Variants in CYRIB observed in about 807,000 individuals in gnomAD.
CYRIB encodes the protein CYFIP related Rac1 interactor B.
CYRIB carries 8 observed loss-of-function variants against 44.2 expected under a neutral mutation model. The ratio of observed to expected loss-of-function variants is 0.18; its 90% CI spans 0.11 to 0.33. The LOEUF is 0.33. Ranked by LOEUF, CYRIB falls within the 10% of genes least tolerant of loss-of-function variation. CYRIB has a pLI of 1.00. For synonymous variants in CYRIB, 131 were observed against 127.2 expected (o/e 1.03, Z -0.20); for missense variants, 185 against 382.8 (o/e 0.48, Z 4.31).
In CYRIB at chr8:129,883,673, A is replaced by G. The variant is rs182830652; in HGVS notation, c.-10-4202T>C. Among the ~76,000 whole-genome samples the G allele has an allele frequency of 4.6e-4, 70 of 152,348 alleles. No individual in the cohort carries two copies. The South Asian group carries it at 0.01, about 22-fold the overall frequency. On this transcript the variant is annotated intron_variant, in intron 2 of 11. Coordinates refer to ENST00000519824, the Ensembl canonical transcript of CYRIB. ...TGTGACTGTTTTCAACTAATATAAC[A>G]GTGGTTAATCATCAGCTTAGGTGGG...
At chr8:129,865,728 A>G (rs2053168769) in intron 4 of CYRIB, among the ~76,000 whole-genome samples, 1 of 152,258 alleles carries the variant, frequency 6.6e-6, no homozygotes, top group Non-Finnish European at 1.5e-5. Context: ...AATGGATAGT[A>G]GTCAGTAAGG....
chr8:129,955,326 C>T (rs2094751960), intron 2 of CYRIB, among the ~76,000 whole-genome samples: 1 of 151,516 alleles, frequency 6.6e-6, no homozygotes, highest in Non-Finnish European at 1.5e-5. Context: ...CTGAGATTTT[C>T]CAGTCACCCA....
chr8:129,924,290 CCGGGGGGGGGGGGGGTGG>C (rs2085895457), intron 1 of CYRIB, among the ~76,000 whole-genome samples: 1 of 1,998 alleles, frequency 5.0e-4, no homozygotes, highest in Non-Finnish European at 1.5e-3. Flanking sequence ...AAAAAAAAAA[CCGGGGGGGGGGGGGGTGG>C]CGGGGGGGGT....
chr8:129,909,753 C>T (rs1415434677), intron 1 of CYRIB, among the ~76,000 whole-genome samples: 1 of 152,174 alleles, frequency 6.6e-6, no homozygotes, highest in Non-Finnish European at 1.5e-5. Context: ...TCAACAACTA[C>T]ACAATATAGC....
intron 2 of CYRIB, among the ~76,000 whole-genome samples, chr8:129,960,317 A>G (rs1037855432): frequency 2.0e-5 from 3 of 152,216 alleles, no homozygotes; most frequent in African/African-American, 7.2e-5. Flanking sequence ...AATCACGATC[A>G]GGCGCAGTAG....
chr8:129,920,215 G>T (rs1198519632), intron 1 of CYRIB, among the ~76,000 whole-genome samples: 1 of 151,890 alleles, frequency 6.6e-6, no homozygotes, highest in Non-Finnish European at 1.5e-5. Context: ...CTATGAAGTG[G>T]TTCTTTCTTG....
chr8:130,009,155 T>C (rs979327485), intron 1 of CYRIB, among the ~76,000 whole-genome samples: 1 of 152,220 alleles, frequency 6.6e-6, no homozygotes, highest in South Asian at 2.1e-4. Flanking sequence ...AAGATCTCCT[T>C]GGCTCCAAGG....
intron 2 of CYRIB, among the ~76,000 whole-genome samples, chr8:129,949,574 A>C (rs747102108): frequency 6.6e-6 from 1 of 152,070 alleles, no homozygotes; most frequent in African/African-American, 2.4e-5. Flanking sequence ...TCCACCTGAA[A>C]TACTACACTA....
chr8:129,916,731 T>C (rs1339346555), intron 1 of CYRIB, among the ~76,000 whole-genome samples: 1 of 152,224 alleles, frequency 6.6e-6, no homozygotes, highest in African/African-American at 2.4e-5. Context: ...AATAGTACAC[T>C]GCTACTCATT....
upstream of CYRIB, among the ~76,000 whole-genome samples, chr8:129,941,130 T>A (rs545867128): frequency 1.7e-4 from 26 of 152,182 alleles, 1 homozygote; most frequent in South Asian, 5.2e-3. Context: ...CATGGAGAGA[T>A]GAAGTGGCTT....
chr8:129,914,475 G>A (rs768547311), intron 1 of CYRIB, among the ~76,000 whole-genome samples: 32 of 152,114 alleles, frequency 2.1e-4, no homozygotes, highest in Non-Finnish European at 4.1e-4. Flanking sequence ...ACAATGTAAT[G>A]GATAAAATGT....
rs879288933 is a variant in CYRIB, at chr8:129,998,636, C to CT, written c.-296+17733dup. Among the ~76,000 whole-genome samples the CT allele has an allele frequency of 9.4e-3, 1,353 of 143,342 alleles. 17 individuals carry two copies. Among genetic ancestry groups the CT allele is most frequent in the African/African-American group, 0.026 (1,021 of 39,326 alleles). The allele number at this position is 143,342 out of a possible 152,430, so 94.0% of individuals were successfully genotyped here. A position where few individuals can be genotyped will look rare whatever the true frequency, so the allele number is the denominator to read the frequency against. On this transcript the variant is annotated intron_variant, in intron 1 of 14. Coordinates refer to the CYRIB transcript ENST00000401979. ...TGCAATGTCTTAAGGAAACTCATCT[C>CT]TTTTTTTTTTTTTTAGATGAATTCT...
chr8:129,931,977 T>C (rs1175068170), intron 1 of CYRIB, among the ~76,000 whole-genome samples: 1 of 151,362 alleles, frequency 6.6e-6, no homozygotes, highest in Non-Finnish European at 1.5e-5. Context: ...TGTTAGGAAA[T>C]AATTCTTCAT....
intron 2 of CYRIB, among the ~76,000 whole-genome samples, chr8:129,888,110 A>G (rs2063521211): frequency 6.6e-6 from 1 of 152,134 alleles, no homozygotes; most frequent in Non-Finnish European, 1.5e-5. Context: ...TGAGTGTTGG[A>G]GAAGGAGCCT....
At chr8:129,996,254 AATGT>A (rs2096762167) in intron 1 of CYRIB, among the ~76,000 whole-genome samples, 1 of 152,084 alleles carries the variant, frequency 6.6e-6, no homozygotes, top group African/African-American at 2.4e-5. Flanking sequence ...GGCTGGGATC[AATGT>A]CCCCCAACCC....
chr8:129,885,859 G>A (rs1219858013), intron 2 of CYRIB, among the ~76,000 whole-genome samples: 1 of 151,276 alleles, frequency 6.6e-6, no homozygotes, highest in Non-Finnish European at 1.5e-5. Flanking sequence ...AAAAGAAGAA[G>A]AAAACCACAA....
chr8:129,907,613 GA>G (rs898483606), intron 1 of CYRIB, among the ~76,000 whole-genome samples: 95 of 150,334 alleles, frequency 6.3e-4, no homozygotes, highest in African/African-American at 1.9e-3. Context: ...ATATATATAT[GA>G]AAAAAAAAAT....
Position 130,002,674 on chromosome 8 carries a change from C to T in CYRIB, c.-296+13696G>A, listed in dbSNP as rs187225045. Among the ~76,000 whole-genome samples, 46 of 152,330 alleles carry T rather than the reference C, an allele frequency of 3.0e-4. No homozygotes were observed. In the East Asian group the frequency reaches 7.3e-3, roughly 24 times the overall value. ...AAATGACAGATGGTTTTCTAAGTCTCCTCACAGCCTCCATGGCCCTGACTT... is the reference window on the plus strand; with the variant it reads ...AAATGACAGATGGTTTTCTAAGTCTTCTCACAGCCTCCATGGCCCTGACTT... On this transcript the variant is annotated intron_variant, in intron 1 of 14. Transcript: ENST00000401979.
At chr8:129,880,116 T>A (rs1188236504) in intron 2 of CYRIB, among the ~76,000 whole-genome samples, 1 of 152,220 alleles carries the variant, frequency 6.6e-6, no homozygotes, top group Admixed American at 6.5e-5. Flanking sequence ...ACTATTAGAA[T>A]GTTCATCATA....
Sources: allele counts gnomAD v4.1 joint callset (sites outside exome capture counted in the v4.1 genomes callset), GRCh38; gene constraint gnomAD v4.1.1; transcripts MANE v1.5; gene names NCBI Gene and HGNC (gene_info 2026-07-23, HGNC 2026-07-21).